The following GOLIM4 variants were observed in gnomAD, a reference collection of about 807,000 sequenced individuals.
GOLIM4 encodes the protein golgi integral membrane protein 4.
In GOLIM4, 71 loss-of-function variants were observed where a neutral mutation model predicts 107.4. The observed-to-expected ratio is 0.66, with a 90% CI of 0.55 to 0.81. The LOEUF is 0.81. GOLIM4 is among the 30% of genes least tolerant of loss of function. The pLI, the probability that GOLIM4 is intolerant of heterozygous loss-of-function variation, is 0.00. For synonymous variants in GOLIM4, 327 were observed against 294.8 expected (o/e 1.11, Z -1.12); for missense variants, 830 against 826.1 (o/e 1.00, Z -0.06).
intron 14 of GOLIM4, among the ~76,000 whole-genome samples, chr3:168,014,246 A>C (rs1277973441): frequency 6.6e-6 from 1 of 151,442 alleles, no homozygotes; most frequent in African/African-American, 2.5e-5. Context: ...CTACCATCAG[A>C]GAATACTACA....
At chr3:168,093,094 A>G (rs1036602687) in intron 1 of GOLIM4, among the ~76,000 whole-genome samples, 1 of 152,164 alleles carries the variant, frequency 6.6e-6, no homozygotes, top group Non-Finnish European at 1.5e-5. Flanking sequence ...CACCACCACT[A>G]AAAAAAGAAA....
intron 3 of GOLIM4, among the ~76,000 whole-genome samples, chr3:168,045,585 G>A (rs553885933): frequency 2.1e-4 from 32 of 152,072 alleles, no homozygotes; most frequent in African/African-American, 6.5e-4. Flanking sequence ...CAATAGTCCC[G>A]GGCAGCCATA....
chr3:168,073,180 C>T (rs959916992), intron 1 of GOLIM4, among the ~76,000 whole-genome samples: 1 of 152,164 alleles, frequency 6.6e-6, no homozygotes, highest in Non-Finnish European at 1.5e-5. Context: ...ACTTCCCCAG[C>T]CTTGCAATTT....
intron 14 of GOLIM4, among the ~76,000 whole-genome samples, chr3:168,022,270 C>T (rs1371381328): frequency 1.3e-5 from 2 of 151,774 alleles, no homozygotes; most frequent in Non-Finnish European, 2.9e-5. Context: ...CGATGGCAGC[C>T]ACAGGCCTTG....
At position 168,040,777 on chromosome 3, in the gene GOLIM4, C is replaced by A; in HGVS notation, c.684+9G>T. On this transcript the variant is annotated intron_variant, in intron 7 of 15. Transcript: ENST00000470487. ...TAAAAGAACCCACAGAGGCTGCTAC[C>A]CTTCTAACCTGTGCAGCAGCTAGTG... 1 of 1,572,894 alleles carries A rather than the reference C, an allele frequency of 6.4e-7. No homozygotes were observed. The highest frequency in any genetic ancestry group is 1.1e-5 in the South Asian group (1 of 88,840).
intron 4 of GOLIM4, among the ~76,000 whole-genome samples, chr3:168,044,084 A>G (rs1719168700): frequency 6.6e-6 from 1 of 152,234 alleles, no homozygotes; most frequent in African/African-American, 2.4e-5. Context: ...CTAGATAAAC[A>G]CTACAGTCTC....
intron 11 of GOLIM4, 37 bp from the exon 12 acceptor site, chr3:168,027,874 A>C (rs928686717): frequency 1.3e-5 from 17 of 1,306,420 alleles, no homozygotes; most frequent in East Asian, 1.2e-4. Flanking sequence ...GCCCAAAATG[A>C]ATCAAACAGG....
intron 2 of GOLIM4, among the ~76,000 whole-genome samples, chr3:168,047,445 CTA>C (rs1439410716): frequency 2.0e-5 from 3 of 152,150 alleles, no homozygotes; most frequent in African/African-American, 7.2e-5. Flanking sequence ...CTAGATGGCT[CTA>C]TAAAATCACT....
chr3:168,078,117 T>G (rs2108285531), intron 1 of GOLIM4, among the ~76,000 whole-genome samples: 1 of 152,210 alleles, frequency 6.6e-6, no homozygotes, highest in South Asian at 2.1e-4. Flanking sequence ...ACCAATATTT[T>G]TAGGGTCTCC....
At chr3:168,041,500 C>T (rs749225775) in intron 5 of GOLIM4, 26 bp from the exon 6 acceptor site, 1 of 1,113,046 alleles carries the variant, frequency 9.0e-7, no homozygotes, top group Non-Finnish European at 1.4e-6. Context: ...AAGGATCACA[C>T]ATAAAGCCTT....
chr3:168,079,792 T>G (rs1404392868), intron 1 of GOLIM4, among the ~76,000 whole-genome samples: 3 of 152,120 alleles, frequency 2.0e-5, no homozygotes, highest in Non-Finnish European at 4.4e-5. Context: ...AAAGCTACAA[T>G]AAAATATATC....
At chr3:168,043,575 T>C (rs369438792) in intron 4 of GOLIM4, 46 bp from the exon 5 acceptor site, 17 of 1,483,288 alleles carry the variant, frequency 1.1e-5, no homozygotes, top group Admixed American at 1.0e-4. Flanking sequence ...CTCTGAATTA[T>C]ATGAGAGTCT....
chr3:168,056,565 C>G (rs544258449), intron 1 of GOLIM4, among the ~76,000 whole-genome samples: 90 of 152,348 alleles, frequency 5.9e-4, no homozygotes, highest in African/African-American at 2.0e-3. Context: ...AGGCTGTACC[C>G]TGCAAAGCCA....
intron 8 of GOLIM4, among the ~76,000 whole-genome samples, chr3:168,035,460 G>T (rs1329024463): frequency 2.0e-5 from 3 of 152,294 alleles, no homozygotes; most frequent in Admixed American, 1.3e-4. Context: ...GGAATACTAT[G>T]CAGTCATAAA....
At chr3:168,012,700 A>C (rs1172397629) in intron 14 of GOLIM4, among the ~76,000 whole-genome samples, 1 of 151,958 alleles carries the variant, frequency 6.6e-6, no homozygotes, top group Non-Finnish European at 1.5e-5. Flanking sequence ...CTCGGCAGAA[A>C]CTCTACAAGC....
chr3:168,010,404 AT>A lies in GOLIM4; in HGVS notation c.1955del (p.Asn652IlefsTer66). ...GENDENTDDK[N>X]NDGEEQEVRD... ...GAACTTCTTGCTCTTCTCCATCATT[AT>A]TTTTATCATCAGTCTTAAAATTAAA... On this transcript the variant is annotated frameshift_variant, in exon 16 of 16. Coordinates refer to ENST00000470487, the MANE Select transcript of GOLIM4 (RefSeq NM_014498.5). LOFTEE classifies it low-confidence loss of function (END_TRUNC). 6.2e-7 allele frequency: 1 copy of A among 1,602,664 alleles called. No homozygotes were observed. The highest frequency in any genetic ancestry group is 8.5e-7 in the Non-Finnish European group (1 of 1,170,992).
At chr3:168,032,254 G>A (rs1259710419) in intron 9 of GOLIM4, among the ~76,000 whole-genome samples, 1 of 152,190 alleles carries the variant, frequency 6.6e-6, no homozygotes, top group Non-Finnish European at 1.5e-5. Context: ...GGTGATGTGA[G>A]AATGAATCTC....
At chr3:168,020,683 G>C (rs924572307) in intron 14 of GOLIM4, among the ~76,000 whole-genome samples, 1 of 152,122 alleles carries the variant, frequency 6.6e-6, no homozygotes, top group Non-Finnish European at 1.5e-5. Context: ...CGACTCTTTA[G>C]GGAACCCACA....
intron 11 of GOLIM4, 22 bp downstream of exon 11, chr3:168,029,201 A>C (rs1718169750): frequency 1.4e-6 from 2 of 1,432,530 alleles, no homozygotes; most frequent in South Asian, 2.3e-5. Context: ...TAAAACATTC[A>C]TCATCTAGGA....
Sources: gnomAD v4.1 joint callset for allele counts (sites outside exome capture counted in the v4.1 genomes callset) on GRCh38, gnomAD v4.1.1 for gene constraint, MANE v1.5 for transcripts, NCBI Gene and HGNC (gene_info 2026-07-23, HGNC 2026-07-21) for gene names.